Variants in PPP1R12B observed in about 807,000 individuals in gnomAD.
The protein encoded by PPP1R12B is myosin phosphatase target subunit 2.
Under a neutral mutation model 126.1 loss-of-function variants are expected in PPP1R12B, and 76 were observed. That is an observed-to-expected ratio of 0.60 (90% CI 0.50 to 0.73). PPP1R12B has a LOEUF of 0.73. PPP1R12B is among the 30% of genes least tolerant of loss of function. PPP1R12B has a pLI of 0.00. For synonymous variants in PPP1R12B, 356 were observed against 434.7 expected, an observed-to-expected ratio of 0.82 and a Z score of 2.25; for missense variants, 1,052 against 1,205.1, an observed-to-expected ratio of 0.87 and a Z score of 1.88.
intron 21 of PPP1R12B, chr1:202,567,486 GGA>G (rs149322103): frequency 0.032 from 10,646 of 335,556 alleles, no homozygotes; most frequent in South Asian, 0.04. Flanking sequence ...GAAGACCTGT[GGA>G]GAGAGAGAGA....
chr1:202,465,548 C>T (rs1452262652), intron 13 of PPP1R12B, among the ~76,000 whole-genome samples: 1 of 152,036 alleles, frequency 6.6e-6, no homozygotes, highest in Non-Finnish European at 1.5e-5. Flanking sequence ...TCTGGCTGTC[C>T]AGGGTTGGCT....
At chr1:202,349,828 T>C (rs1655612923) in intron 1 of PPP1R12B, among the ~76,000 whole-genome samples, 1 of 152,208 alleles carries the variant, frequency 6.6e-6, no homozygotes. Flanking sequence ...TTTTCTATTT[T>C]TTTTTCTAAA....
chr1:202,438,922 G>T, intron 10 of PPP1R12B: 1 of 1,526,840 alleles, frequency 6.5e-7, no homozygotes, highest in Non-Finnish European at 9.0e-7. Flanking sequence ...TGTGCCTGGA[G>T]GTGACCCCGA....
At chr1:202,560,515 G>A (rs1687403364) in intron 19 of PPP1R12B, among the ~76,000 whole-genome samples, 1 of 152,220 alleles carries the variant, frequency 6.6e-6, no homozygotes, top group Non-Finnish European at 1.5e-5. Flanking sequence ...GCATTTGTAA[G>A]CTGTTATGGT....
At chr1:202,492,987 T>G (rs1394343798) in intron 14 of PPP1R12B, 127 bp from the exon 15 acceptor site, 1 of 929,250 alleles carries the variant, frequency 1.1e-6, no homozygotes, top group Non-Finnish European at 1.7e-6. Context: ...GTGGCCTCAT[T>G]ATGCATTTTG....
In PPP1R12B at chr1:202,495,336, C is replaced by G; in HGVS notation, c.2189C>G (p.Pro730Arg). Reference sequence around the variant, plus strand: ...AGGTGCCCAGCTCAGCCAGACAAACCCACCACGCCAGCATCTCCTTCTACG... The same window carrying G: ...AGGTGCCCAGCTCAGCCAGACAAACGCACCACGCCAGCATCTCCTTCTACG... Reference protein sequence around the residue: ...RLRCPAQPDKPTTPASPSTSR... With the variant: ...RLRCPAQPDKRTTPASPSTSR... The change falls in exon 16 of 24, where the codon CCC becomes CGC. Residue 730 changes from proline to arginine, a missense_variant. Transcript: ENST00000608999. 1 of 1,591,562 alleles carries G rather than the reference C, an allele frequency of 6.3e-7. No individual in the cohort carries two copies. The highest frequency in any genetic ancestry group is 1.2e-5 in the South Asian group (1 of 86,214).
At chr1:202,357,826 TG>T in intron 1 of PPP1R12B, among the ~76,000 whole-genome samples, 1 of 152,186 alleles carries the variant, frequency 6.6e-6, no homozygotes, top group Admixed American at 6.5e-5. Context: ...TCTGATTCTG[TG>T]CTGCTTGTTA....
chr1:202,477,536 G>A (rs1249485191), intron 13 of PPP1R12B, among the ~76,000 whole-genome samples: 1 of 151,946 alleles, frequency 6.6e-6, no homozygotes, highest in African/African-American at 2.4e-5. Context: ...TGATTTGCTG[G>A]ATGTTTTGCA....
chr1:202,502,049 T>A, intron 18 of PPP1R12B: 2 of 985,276 alleles, frequency 2.0e-6, no homozygotes, highest in Non-Finnish European at 2.4e-6. Context: ...TTCATACTTT[T>A]CTTTTCCCCT....
chr1:202,557,522 C>G (rs999873552), intron 18 of PPP1R12B, among the ~76,000 whole-genome samples: 31 of 151,936 alleles, frequency 2.0e-4, no homozygotes, highest in African/African-American at 7.3e-4. Flanking sequence ...GAGAATATAC[C>G]ATATACTTTT....
intron 19 of PPP1R12B, among the ~76,000 whole-genome samples, chr1:202,561,454 A>G (rs757943609): frequency 1.8e-4 from 27 of 151,806 alleles, no homozygotes; most frequent in Middle Eastern, 3.2e-3. Context: ...TCATAGTGGT[A>G]AGTATAGAGA....
At chr1:202,417,664 AT>A (rs1428775774) in intron 2 of PPP1R12B, among the ~76,000 whole-genome samples, 1 of 152,208 alleles carries the variant, frequency 6.6e-6, no homozygotes, top group Non-Finnish European at 1.5e-5. Flanking sequence ...TGTATCCTAG[AT>A]GAGGGTAAAT....
chr1:202,556,017 A>T (rs1251831873), intron 18 of PPP1R12B, among the ~76,000 whole-genome samples: 1 of 151,918 alleles, frequency 6.6e-6, no homozygotes, highest in Non-Finnish European at 1.5e-5. Context: ...CTGGGACTAC[A>T]AGCATGTGCC....
At chr1:202,434,527 C>A in intron 8 of PPP1R12B, 129 bp from the exon 9 acceptor site, 1 of 1,185,058 alleles carries the variant, frequency 8.4e-7, no homozygotes. Flanking sequence ...AGTTTATATC[C>A]AAGCATTACA....
intron 4 of PPP1R12B, among the ~76,000 whole-genome samples, chr1:202,426,793 A>G (rs909082526): frequency 2.0e-5 from 3 of 152,132 alleles, no homozygotes; most frequent in African/African-American, 4.8e-5. Context: ...CTCCCCTTGT[A>G]TGGTGTAAAA....
intron 18 of PPP1R12B, among the ~76,000 whole-genome samples, chr1:202,516,089 C>T (rs1682114863): frequency 6.6e-6 from 1 of 152,180 alleles, no homozygotes; most frequent in African/African-American, 2.4e-5. Context: ...TAGTACTTAT[C>T]ACATAGGTCA....
chr1:202,500,240 T>A (rs1558305667), intron 18 of PPP1R12B, among the ~76,000 whole-genome samples: 1 of 151,926 alleles, frequency 6.6e-6, no homozygotes, highest in African/African-American at 2.4e-5. Flanking sequence ...TCTCTCTCTC[T>A]CTCTCACTCT....
At chr1:202,354,835 T>G (rs553088673) in intron 1 of PPP1R12B, among the ~76,000 whole-genome samples, 22 of 148,966 alleles carry the variant, frequency 1.5e-4, no homozygotes, top group African/African-American at 5.1e-4. Flanking sequence ...TGTTGTTGTT[T>G]TTTTTTTTGA....
At chr1:202,399,283 C>T (rs1016434226) in intron 1 of PPP1R12B, among the ~76,000 whole-genome samples, 19 of 152,176 alleles carry the variant, frequency 1.2e-4, no homozygotes, top group African/African-American at 4.1e-4. Flanking sequence ...TGTAGTGGTG[C>T]GTACATGGCT....
Sources: allele counts gnomAD v4.1 joint callset (sites outside exome capture counted in the v4.1 genomes callset), GRCh38; gene constraint gnomAD v4.1.1; transcripts MANE v1.5; gene names NCBI Gene and HGNC (gene_info 2026-07-23, HGNC 2026-07-21).